PCSK5: variants seen among roughly 807,000 people sequenced by gnomAD.
PCSK5 encodes the protein proprotein convertase subtilisin/kexin type 5.
Under a neutral mutation model 233.2 loss-of-function variants are expected in PCSK5, and 129 were observed. The observed-to-expected ratio is 0.55, with a 90% CI of 0.48 to 0.64. PCSK5 has a LOEUF of 0.64. PCSK5 is among the 30% of genes least tolerant of loss of function. The pLI, the probability that PCSK5 is intolerant of heterozygous loss-of-function variation, is 0.00. For missense variants in PCSK5, 2,076 were observed against 2,430.1 expected, an observed-to-expected ratio of 0.85 and a Z score of 3.06; for synonymous variants, 825 against 879.2, an observed-to-expected ratio of 0.94 and a Z score of 1.09.
At chr9:76,008,049 G>T (rs187045366) in intron 3 of PCSK5, among the ~76,000 whole-genome samples, 1 of 151,834 alleles carries the variant, frequency 6.6e-6, no homozygotes, top group African/African-American at 2.4e-5. Flanking sequence ...TCTGAGCTCC[G>T]TGCAGGTCTC....
At chr9:76,106,417 T>C (rs972211025) in intron 8 of PCSK5, among the ~76,000 whole-genome samples, 4 of 152,208 alleles carry the variant, frequency 2.6e-5, no homozygotes, top group African/African-American at 4.8e-5. Context: ...ATTTTTTCCA[T>C]AGTGAGAAAA....
At chr9:76,349,280 AAAAAAAAAAAAG>A (rs1375528099) in intron 35 of PCSK5, among the ~76,000 whole-genome samples, 40 of 130,372 alleles carry the variant, frequency 3.1e-4, no homozygotes, top group African/African-American at 8.2e-4. Context: ...TCTCAAAAAA[AAAAAAAAAAAAG>A]AAAAAAGAAA....
At chr9:76,264,862 C>T (rs1019675861) in intron 24 of PCSK5, among the ~76,000 whole-genome samples, 1 of 152,168 alleles carries the variant, frequency 6.6e-6, no homozygotes, top group Admixed American at 6.5e-5. Context: ...TTTGACCCAA[C>T]AATCCCATTA....
chr9:76,126,740 C>T (rs1832868561), intron 9 of PCSK5, among the ~76,000 whole-genome samples: 1 of 151,974 alleles, frequency 6.6e-6, no homozygotes. Flanking sequence ...GTAATGTGTG[C>T]ACATGGATGT....
intron 9 of PCSK5, 61 bp downstream of exon 9, chr9:76,107,412 C>T (rs2297343): frequency 0.056 from 59,544 of 1,062,998 alleles, 2,026 homozygotes; most frequent in South Asian, 0.082. Context: ...GGAAAACGTA[C>T]CCCTTCCCTT....
intron 24 of PCSK5, among the ~76,000 whole-genome samples, chr9:76,255,648 T>C (rs1045820357): frequency 1.3e-5 from 2 of 152,060 alleles, no homozygotes; most frequent in African/African-American, 4.8e-5. Flanking sequence ...GGCCAACACA[T>C]CAAGGCCCCA....
chr9:76,219,176 C>A (rs1825641569), intron 20 of PCSK5, among the ~76,000 whole-genome samples: 1 of 152,090 alleles, frequency 6.6e-6, no homozygotes, highest in Non-Finnish European at 1.5e-5. Flanking sequence ...AGAGATTTGG[C>A]TAAAATGTTT....
At position 76,338,907 on chromosome 9, in the gene PCSK5, T is replaced by C. The variant is rs115801573; in HGVS notation, c.4966+460T>C. ...CCAGGCTGATACTTTGAAGTTCTCCTTGACTCTTCTCCTTCCCCTGTTGCC... is the reference window on the plus strand; with the variant it reads ...CCAGGCTGATACTTTGAAGTTCTCCCTGACTCTTCTCCTTCCCCTGTTGCC... On this transcript the variant is annotated intron_variant, in intron 35 of 37. Transcript: ENST00000674117. Among the ~76,000 whole-genome samples the C allele has an allele frequency of 2.0e-3, 308 of 152,220 alleles. 2 individuals are homozygous for C. The highest frequency in any genetic ancestry group is 7.0e-3 in the African/African-American group (291 of 41,548).
At chr9:76,044,916 A>G (rs1255245606) in intron 5 of PCSK5, among the ~76,000 whole-genome samples, 3 of 152,222 alleles carry the variant, frequency 2.0e-5, no homozygotes, top group Non-Finnish European at 4.4e-5. Context: ...TCATTTAAAT[A>G]GTCTATTTAA....
intron 30 of PCSK5, 62 bp downstream of exon 30, chr9:76,310,913 C>A (rs1828848297): frequency 2.7e-6 from 3 of 1,113,550 alleles, no homozygotes; most frequent in Admixed American, 5.7e-5. Context: ...ACTTTGGGAG[C>A]AATTCTTTCT....
intron 10 of PCSK5, among the ~76,000 whole-genome samples, chr9:76,134,467 G>A (rs1473695564): frequency 4.0e-5 from 6 of 151,586 alleles, no homozygotes; most frequent in South Asian, 4.2e-4. Context: ...ATGTATAGTC[G>A]GCCTATGGGA....
intron 2 of PCSK5, among the ~76,000 whole-genome samples, chr9:75,974,452 A>G (rs1463731563): frequency 6.6e-6 from 1 of 152,208 alleles, no homozygotes; most frequent in Non-Finnish European, 1.5e-5. Flanking sequence ...GAAAATGCCA[A>G]TCCCTTTCCC....
rs767499224 is a variant in PCSK5 at position 76,358,539 on chromosome 9, G to T, written c.5281G>T (p.Val1761Phe). ...CGAATGCATCCTTCGAACAAGCAAG[G>T]TTAGGCCTGCAACTGAGCATTTCAA... Reference protein sequence around the residue: ...TDECILRTSKVRPATEHFKTA... With the variant: ...TDECILRTSKFRPATEHFKTA... Residue 1761 changes from valine to phenylalanine, a missense_variant, in exon 38 of 38, where the codon GTT becomes TTT. Physicochemically the swap from Val to Phe is conservative, Grantham distance 50. Around this residue, in one of 6 missense-constraint regions of PCSK5, gnomAD observed 1,510 missense variants for 1,538.1 expected, o/e 0.98. Coordinates refer to ENST00000674117, the MANE Select transcript of PCSK5 (RefSeq NM_001372043.1). 6.8e-6 allele frequency: 11 copies of T among 1,612,288 alleles called. No homozygotes were observed.
intron 24 of PCSK5, among the ~76,000 whole-genome samples, chr9:76,275,510 C>T (rs983514129): frequency 1.3e-5 from 2 of 152,140 alleles, no homozygotes; most frequent in Admixed American, 6.5e-5. Flanking sequence ...CTGCAACCTC[C>T]GCCTCTCGGA....
intron 2 of PCSK5, among the ~76,000 whole-genome samples, chr9:75,972,155 T>C (rs1371325440): frequency 2.0e-5 from 3 of 152,190 alleles, no homozygotes; most frequent in Non-Finnish European, 4.4e-5. Flanking sequence ...CCATTGCTTG[T>C]TTTTGTCAGG....
intron 3 of PCSK5, among the ~76,000 whole-genome samples, chr9:76,007,069 A>G (rs1304416680): frequency 6.6e-6 from 1 of 152,014 alleles, no homozygotes; most frequent in Admixed American, 6.6e-5. Flanking sequence ...AATGCTCCTG[A>G]TTATATTTTC....
At chr9:76,169,630 T>C (rs1823243249) in intron 12 of PCSK5, 74 bp from the exon 13 acceptor site, 2 of 1,438,974 alleles carry the variant, frequency 1.4e-6, no homozygotes, top group South Asian at 2.5e-5. Flanking sequence ...CAAAAAACAG[T>C]GTCGATTGTG....
intron 1 of PCSK5, among the ~76,000 whole-genome samples, chr9:75,928,652 G>A (rs931382898): frequency 1.5e-5 from 2 of 132,770 alleles, no homozygotes; most frequent in Non-Finnish European, 3.2e-5. Context: ...CCTAGAAGGT[G>A]ATAGATTATT....
chr9:76,099,537 G>A (rs531730740), intron 8 of PCSK5, among the ~76,000 whole-genome samples: 39 of 152,248 alleles, frequency 2.6e-4, no homozygotes, highest in African/African-American at 7.0e-4. Flanking sequence ...AAAACACTGC[G>A]ATCTGTTCCA....
Sources: allele counts gnomAD v4.1 joint callset (sites outside exome capture counted in the v4.1 genomes callset), GRCh38; gene constraint gnomAD v4.1.1; regional missense constraint gnomAD v4.1.1; transcripts MANE v1.5; gene names NCBI Gene and HGNC (gene_info 2026-07-23, HGNC 2026-07-21).